The following OSBPL8 variants were observed in gnomAD, a reference collection of about 807,000 sequenced individuals.
The protein encoded by OSBPL8 is oxysterol binding protein like 8.
OSBPL8 carries 59 observed loss-of-function variants against 125.5 expected under a neutral mutation model. The observed-to-expected ratio is 0.47, with a 90% CI of 0.38 to 0.58. The LOEUF (loss-of-function observed/expected upper bound fraction) is 0.58. Among genes scored for constraint, OSBPL8 ranks in the 20% least tolerant of loss-of-function variants. OSBPL8 has a pLI of 0.00. For synonymous variants in OSBPL8, 330 were observed against 338.9 expected (o/e 0.97, Z 0.29); for missense variants, 758 against 1,047.8 (o/e 0.72, Z 3.82).
chr12:76,488,884 G>T (rs933992311), intron 1 of OSBPL8, among the ~76,000 whole-genome samples: 3 of 152,176 alleles, frequency 2.0e-5, no homozygotes, highest in Non-Finnish European at 4.4e-5. Context: ...AGTGAGGAAG[G>T]CATGTCAAAA....
chr12:76,434,576 A>C (rs1319496994), intron 4 of OSBPL8, among the ~76,000 whole-genome samples: 2 of 152,210 alleles, frequency 1.3e-5, no homozygotes, highest in African/African-American at 4.8e-5. Flanking sequence ...GAAAGAATAG[A>C]AGAAAATATT....
intron 1 of OSBPL8, among the ~76,000 whole-genome samples, chr12:76,508,792 TACC>T (rs1880685351): frequency 6.6e-6 from 1 of 152,154 alleles, no homozygotes; most frequent in Non-Finnish European, 1.5e-5. Flanking sequence ...ATCAGCAAGT[TACC>T]CTATATGGTC....
intron 2 of OSBPL8, among the ~76,000 whole-genome samples, chr12:76,483,660 C>CTTTTTTTTTTTTT (rs869202382): frequency 1.7e-5 from 1 of 57,438 alleles, no homozygotes; most frequent in Non-Finnish European, 3.0e-5. Flanking sequence ...CTGTAATAGT[C>CTTTTTTTTTTTTT]TTTTTTTTTT....
At chr12:76,513,010 A>G (rs1249334334) in intron 1 of OSBPL8, among the ~76,000 whole-genome samples, 2 of 152,158 alleles carry the variant, frequency 1.3e-5, no homozygotes, top group African/African-American at 4.8e-5. Flanking sequence ...AATGCCACTG[A>G]TATTTGTATA....
chr12:76,513,051 T>C (rs1430311388), intron 1 of OSBPL8, among the ~76,000 whole-genome samples: 4 of 152,248 alleles, frequency 2.6e-5, no homozygotes, highest in Non-Finnish European at 1.5e-5. Flanking sequence ...TTTGCTGAAC[T>C]TACCCAAAAG....
intron 14 of OSBPL8, among the ~76,000 whole-genome samples, chr12:76,385,519 C>G (rs577336561): frequency 6.6e-6 from 1 of 151,680 alleles, no homozygotes; most frequent in Non-Finnish European, 1.5e-5. Context: ...AAAAGGTAAA[C>G]GATACAAATG....
chr12:76,504,145 G>A (rs1880182708), intron 1 of OSBPL8, among the ~76,000 whole-genome samples: 1 of 150,316 alleles, frequency 6.7e-6, no homozygotes, highest in Non-Finnish European at 1.5e-5. Context: ...ACTGCCTTCA[G>A]ACTCAAGACT....
At chr12:76,479,426 T>G (rs1213169015) in intron 2 of OSBPL8, among the ~76,000 whole-genome samples, 1 of 152,196 alleles carries the variant, frequency 6.6e-6, no homozygotes, top group Non-Finnish European at 1.5e-5. Flanking sequence ...GCTCAAAAGG[T>G]ACAGACTAGT....
intron 2 of OSBPL8, among the ~76,000 whole-genome samples, chr12:76,465,496 C>T (rs12814566): frequency 0.2 from 30,916 of 151,528 alleles, 3,377 homozygotes; most frequent in Non-Finnish European, 0.26. Flanking sequence ...GGAGGCGGAG[C>T]TTACAGTGAG....
rs145438145 is a variant in OSBPL8, at chr12:76,512,021, T to C, written c.-67-24403A>G. On this transcript the variant is annotated intron_variant, in intron 1 of 23. Transcript: ENST00000261183. ...CTGGTACATGTGAAGGTTTGTTACA[T>C]AGATAAACACATGTCATGGGGGTTC... Among the ~76,000 whole-genome samples, 40 of 152,300 alleles carry C rather than the reference T, an allele frequency of 2.6e-4. No homozygotes were observed. In the East Asian group the frequency reaches 7.1e-3, roughly 27 times the overall value.
chr12:76,393,736 A>AT (rs1555212856), intron 9 of OSBPL8, among the ~76,000 whole-genome samples: 3 of 143,968 alleles, frequency 2.1e-5, no homozygotes, highest in African/African-American at 5.3e-5. Flanking sequence ...AAAAAAAAAA[A>AT]TCTGAGGCCA....
intron 4 of OSBPL8, among the ~76,000 whole-genome samples, chr12:76,441,239 G>A (rs1365421434): frequency 6.6e-6 from 1 of 152,064 alleles, no homozygotes; most frequent in African/African-American, 2.4e-5. Context: ...GAATTCCCCA[G>A]GGGATATTGG....
At chr12:76,358,924 CAA>C (rs1952094693) in intron 21 of OSBPL8, 113 bp from the exon 22 acceptor site, 5 of 750,806 alleles carry the variant, frequency 6.7e-6, no homozygotes, top group Middle Eastern at 3.2e-4. Context: ...GAAATAAAGA[CAA>C]TGATGAAATA....
chr12:76,450,816 AAAC>A (rs1873302461), intron 4 of OSBPL8, 32 bp downstream of exon 4: 3 of 1,559,088 alleles, frequency 1.9e-6, no homozygotes, highest in African/African-American at 1.4e-5. Flanking sequence ...ACAAAAACAA[AAAC>A]AAGACAAAAC....
intron 4 of OSBPL8, among the ~76,000 whole-genome samples, chr12:76,440,461 C>T (rs1872054531): frequency 6.6e-6 from 1 of 152,070 alleles, no homozygotes; most frequent in African/African-American, 2.4e-5. Context: ...GTTTAAAATA[C>T]TCTTCTCTAA....
chr12:76,553,389 C>T (rs1198388167), intron 1 of OSBPL8, among the ~76,000 whole-genome samples: 1 of 149,170 alleles, frequency 6.7e-6, no homozygotes, highest in Admixed American at 6.6e-5. Flanking sequence ...ATAGGCCTGG[C>T]ATGGCAGCTC....
chr12:76,547,337 A>G (rs1166575158), intron 1 of OSBPL8, among the ~76,000 whole-genome samples: 1 of 152,224 alleles, frequency 6.6e-6, no homozygotes, highest in Non-Finnish European at 1.5e-5. Flanking sequence ...AGCTCAATCA[A>G]TATGGAGCCT....
chr12:76,417,275 G>A (rs1323683586), intron 4 of OSBPL8, among the ~76,000 whole-genome samples: 1 of 152,204 alleles, frequency 6.6e-6, no homozygotes, highest in Admixed American at 6.5e-5. Flanking sequence ...AAACAGGTGT[G>A]AGTTTAACTG....
Position 76,390,449 on chromosome 12 carries a change from T to C in OSBPL8, c.1138A>G (p.Thr380Ala), listed in dbSNP as rs201149042. ...PVEPLKETTY[T>A]EQSHEELGEA... ...CCAAGTTCTTCATGGCTCTGTTCAG[T>C]GTAGGTAGTCTCCTTTAAAGGCTCA... is the stretch of plus-strand genomic sequence containing the variant. The change falls in exon 11 of 24, where the codon ACT becomes GCT. Residue 380 changes from threonine to alanine, a missense_variant. By Grantham distance (58) the Thr-to-Ala change is moderately conservative. Coordinates refer to ENST00000261183, the MANE Select transcript of OSBPL8 (RefSeq NM_020841.5). 1.5e-5 allele frequency: 25 copies of C among 1,613,662 alleles called. No individual in the cohort carries two copies. In the African/African-American group the frequency reaches 2.4e-4, roughly 15 times the overall value.
Sources: gnomAD v4.1 joint callset for allele counts (sites outside exome capture counted in the v4.1 genomes callset) on GRCh38, gnomAD v4.1.1 for gene constraint, MANE v1.5 for transcripts, NCBI Gene and HGNC (gene_info 2026-07-23, HGNC 2026-07-21) for gene names.